The following B3GALT5 variants were observed in gnomAD, a reference collection of about 807,000 sequenced individuals.
B3GALT5 encodes beta-1,3-galactosyltransferase 5, also known as UDP-Gal:betaGlcNAc beta 1,3-galactosyltransferase, polypeptide 5.
For missense variants in B3GALT5, 328 were observed against 396.6 expected (o/e 0.83, Z 1.47); for synonymous variants, 156 against 158.6 (o/e 0.98, Z 0.12).
intron 2 of B3GALT5, chr21:39,657,946 G>A (rs2079464953): frequency 1.6e-6 from 2 of 1,226,002 alleles, no homozygotes; most frequent in African/African-American, 1.6e-5. Flanking sequence ...TCCCAGGTAA[G>A]GCAGAGCTAG....
intron 2 of B3GALT5, among the ~76,000 whole-genome samples, chr21:39,654,931 G>A (rs969331180): frequency 6.6e-6 from 1 of 152,154 alleles, no homozygotes; most frequent in Admixed American, 6.5e-5. Flanking sequence ...AAATGCACTG[G>A]GAGATAAAAG....
In B3GALT5 at chr21:39,663,080, GA is replaced by G. The variant is rs1482892534; in HGVS notation, c.*1594del. ...TTCAGAAAAGCCTCCTTCTCAGGTG[GA>G]AAAAATCAGGGACTGAGCTTGTCTT... On this transcript the variant is annotated 3_prime_UTR_variant, in exon 4 of 4. Transcript: ENST00000684187. 1 of 152,152 alleles carries G rather than the reference GA, an allele frequency of 6.6e-6. No homozygotes were observed. The highest frequency in any genetic ancestry group is 1.5e-5 in the Non-Finnish European group (1 of 68,018). 9.4% of individuals were successfully genotyped at this position (152,152 alleles called of 1,614,324 possible). A position where few individuals can be genotyped will look rare whatever the true frequency, so the allele number is the denominator to read the frequency against.
At chr21:39,648,797 A>C (rs969551036) in intron 2 of B3GALT5, among the ~76,000 whole-genome samples, 2 of 108,614 alleles carry the variant, frequency 1.8e-5, no homozygotes, top group African/African-American at 6.3e-5. Flanking sequence ...AGGTTCAGTG[A>C]GGTCCCGAGG....
chr21:39,630,768 G>A (rs960213820), intron 1 of B3GALT5, among the ~76,000 whole-genome samples: 20 of 152,160 alleles, frequency 1.3e-4, no homozygotes, highest in Admixed American at 1.0e-3. Context: ...GGGAGGTAAG[G>A]TGAGGCAGGA....
chr21:39,656,558 A>G (rs2079446608), intron 2 of B3GALT5, among the ~76,000 whole-genome samples: 2 of 152,138 alleles, frequency 1.3e-5, no homozygotes, highest in African/African-American at 4.8e-5. Context: ...TTCTGGCCTC[A>G]TAGTGGGGCT....
chr21:39,642,019 T>G (rs1384506583), intron 1 of B3GALT5, among the ~76,000 whole-genome samples: 1 of 152,250 alleles, frequency 6.6e-6, no homozygotes, highest in Admixed American at 6.5e-5. Context: ...GCACCAGTTC[T>G]TTACAACAGC....
intron 1 of B3GALT5, among the ~76,000 whole-genome samples, chr21:39,622,822 TAC>T (rs1217880404): frequency 6.6e-6 from 1 of 152,060 alleles, no homozygotes; most frequent in African/African-American, 2.4e-5. Flanking sequence ...GTTGGATTGA[TAC>T]AGTTTTCTAC....
intron 1 of B3GALT5, among the ~76,000 whole-genome samples, chr21:39,643,070 G>A (rs2079304375): frequency 6.7e-6 from 1 of 148,378 alleles, no homozygotes; most frequent in Non-Finnish European, 1.5e-5. Context: ...AAAAATTTTT[G>A]TAAATGTTCT....
chr21:39,628,671 T>C (rs1388505519), intron 1 of B3GALT5, among the ~76,000 whole-genome samples: 2 of 152,234 alleles, frequency 1.3e-5, no homozygotes, highest in African/African-American at 2.4e-5. Flanking sequence ...TGAAATACAT[T>C]GCTTTGAAGA....
intron 1 of B3GALT5, among the ~76,000 whole-genome samples, chr21:39,636,956 T>C (rs1248170526): frequency 6.6e-6 from 1 of 152,186 alleles, no homozygotes; most frequent in Non-Finnish European, 1.5e-5. Flanking sequence ...ATGTGTTGTC[T>C]TTCTCATTCA....
rs531005097 is a variant in B3GALT5 at position 39,670,645 on chromosome 21, A to G, written c.*9153A>G. On this transcript the variant is annotated 3_prime_UTR_variant, in exon 4 of 4. Transcript: ENST00000684187. ...TGAAATAAAGTGAAACAGATCAACC[A>G]GCCTATTGAGTATCTACGTGTTTTT... 5 of 152,278 alleles carry G rather than the reference A, an allele frequency of 3.3e-5. No individual in the cohort carries two copies. The East Asian group carries it at 9.7e-4, about 29-fold the overall frequency. 9.4% of individuals were successfully genotyped at this position (152,278 alleles called of 1,614,324 possible).
intron 2 of B3GALT5, chr21:39,657,777 C>A (rs750294977): frequency 2.9e-6 from 3 of 1,017,780 alleles, no homozygotes; most frequent in Non-Finnish European, 3.8e-6. Flanking sequence ...TTGATTCGAT[C>A]TCTCTAGAGA....
At chr21:39,625,072 C>T (rs2079156933) in intron 1 of B3GALT5, among the ~76,000 whole-genome samples, 1 of 152,220 alleles carries the variant, frequency 6.6e-6, no homozygotes, top group Non-Finnish European at 1.5e-5. Flanking sequence ...TCCAATATTA[C>T]ACACACACTT....
chr21:39,624,177 T>A (rs2079151827), intron 1 of B3GALT5, among the ~76,000 whole-genome samples: 1 of 152,220 alleles, frequency 6.6e-6, no homozygotes, highest in African/African-American at 2.4e-5. Flanking sequence ...AAACTATTAA[T>A]GAAACTTTGA....
intron 1 of B3GALT5, among the ~76,000 whole-genome samples, chr21:39,634,242 AG>A (rs2079210891): frequency 1.3e-5 from 2 of 152,186 alleles, no homozygotes; most frequent in South Asian, 4.1e-4. Flanking sequence ...CAAGAAGTAG[AG>A]GAAGGTCAGA....
At chr21:39,620,798 G>C (rs2079130565) in intron 1 of B3GALT5, among the ~76,000 whole-genome samples, 1 of 152,196 alleles carries the variant, frequency 6.6e-6, no homozygotes, top group Non-Finnish European at 1.5e-5. Flanking sequence ...AACTTGCAGT[G>C]TTAAGACCCC....
rs543688003 is a variant in B3GALT5, at chr21:39,669,266, A to G, written c.*7774A>G. On this transcript the variant is annotated 3_prime_UTR_variant, in exon 4 of 4. Transcript: ENST00000684187. ...GGAAGATGCCTTAGAAATTATCTAC[A>G]GTATTTTTTTTTTTAAGATAAAACC... is the stretch of plus-strand genomic sequence containing the variant. 6.6e-6 allele frequency: 1 copy of G among 150,910 alleles called. No individual in the cohort carries two copies. The highest frequency in any genetic ancestry group is 1.9e-4 in the East Asian group (1 of 5,184). The allele number at this position is 150,910 out of a possible 1,614,324, so 9.3% of individuals were successfully genotyped here.
intron 1 of B3GALT5, among the ~76,000 whole-genome samples, chr21:39,634,949 C>T (rs991464597): frequency 2.6e-5 from 4 of 152,100 alleles, no homozygotes; most frequent in South Asian, 2.1e-4. Flanking sequence ...AAACAGCAGG[C>T]GTAAGAAAGC....
intron 2 of B3GALT5, 56 bp from the exon 3 acceptor site, chr21:39,659,697 G>T: frequency 1.1e-6 from 1 of 949,202 alleles, no homozygotes; most frequent in Non-Finnish European, 1.3e-6. Context: ...AAATTGTGAA[G>T]GCCTGCTGGT....
Sources: gnomAD v4.1 joint callset for allele counts (sites outside exome capture counted in the v4.1 genomes callset) on GRCh38, gnomAD v4.1.1 for gene constraint, MANE v1.5 for transcripts, NCBI Gene and HGNC (gene_info 2026-07-23, HGNC 2026-07-21) for gene names.